Variants in TMEM117 observed in about 807,000 individuals in gnomAD.
The protein encoded by TMEM117 is transmembrane protein 117.
TMEM117 carries 27 observed loss-of-function variants against 52.4 expected under a neutral mutation model. The observed-to-expected ratio is 0.51, with a 90% confidence interval of 0.38 to 0.71. The LOEUF (loss-of-function observed/expected upper bound fraction) is 0.71. Among genes scored for constraint, TMEM117 ranks in the 30% least tolerant of loss-of-function variants. The pLI is 0.00. For missense variants in TMEM117, 556 were observed against 630.5 expected (o/e 0.88, Z 1.26); for synonymous variants, 215 against 206.3 (o/e 1.04, Z -0.36).
chr12:44,288,590 C>G (rs7308145), intron 5 of TMEM117, among the ~76,000 whole-genome samples: 2,859 of 152,118 alleles, frequency 0.019, 91 homozygotes, highest in African/African-American at 0.065. Flanking sequence ...TCAGGAATCT[C>G]TCACACAAAA....
intron 3 of TMEM117, among the ~76,000 whole-genome samples, chr12:44,106,719 T>A (rs1947961055): frequency 8.2e-6 from 1 of 121,648 alleles, no homozygotes. Context: ...ACAGAAAAAT[T>A]CTTCTATAGA....
chr12:44,101,332 A>G (rs879787570), intron 3 of TMEM117, among the ~76,000 whole-genome samples: 1 of 151,780 alleles, frequency 6.6e-6, no homozygotes, highest in Non-Finnish European at 1.5e-5. Context: ...TGGCAGTGCT[A>G]TTTGCCTTAA....
Position 44,388,054 on chromosome 12 carries a change from C to T in TMEM117, c.927C>T (p.Phe309=), listed in dbSNP as rs753197955. 7.4e-6 allele frequency: 12 copies of T among 1,611,508 alleles called. No individual in the cohort carries two copies. The East Asian group carries it at 8.9e-5, about 12-fold the overall frequency. The change falls in exon 8 of 8, where the codon TTC becomes TTT. Residue 309 remains phenylalanine (F), a synonymous_variant. Coordinates refer to ENST00000266534, the MANE Select transcript of TMEM117 (RefSeq NM_032256.3). ...TGKWFNYGII[F]LVLILDLNMW... ...AATGGTTTAACTATGGAATTATCTT[C>T]CTCGTCTTGATTTTGGATCTTAATA... is the stretch of plus-strand genomic sequence containing the variant.
chr12:43,937,123 A>G (rs1472520241), intron 2 of TMEM117, among the ~76,000 whole-genome samples: 2 of 152,172 alleles, frequency 1.3e-5, no homozygotes, highest in Non-Finnish European at 2.9e-5. Context: ...GAAGGAAGTT[A>G]GGATAGTCAT....
intron 6 of TMEM117, among the ~76,000 whole-genome samples, chr12:44,360,407 T>C (rs548235973): frequency 1.3e-5 from 2 of 151,994 alleles, no homozygotes; most frequent in South Asian, 4.2e-4. Flanking sequence ...AAGCCCCATC[T>C]CTGCTAAAAA....
At chr12:44,322,452 A>T (rs1296430181) in intron 6 of TMEM117, among the ~76,000 whole-genome samples, 2 of 152,100 alleles carry the variant, frequency 1.3e-5, no homozygotes, top group African/African-American at 4.8e-5. Context: ...AGGTTTCCTG[A>T]TTCCCTTATC....
At chr12:44,061,844 A>T (rs1013886326) in intron 3 of TMEM117, among the ~76,000 whole-genome samples, 4 of 152,110 alleles carry the variant, frequency 2.6e-5, no homozygotes, top group Admixed American at 6.5e-5. Context: ...TGAGAGACTA[A>T]AGGTTCAAAA....
intron 3 of TMEM117, among the ~76,000 whole-genome samples, chr12:43,953,347 C>A (rs1453936092): frequency 1.3e-5 from 2 of 152,076 alleles, no homozygotes; most frequent in African/African-American, 4.8e-5. Context: ...TTAAAAGACA[C>A]AGAATGGCAA....
intron 3 of TMEM117, among the ~76,000 whole-genome samples, chr12:44,031,228 C>T (rs1380232273): frequency 6.6e-6 from 1 of 152,078 alleles, no homozygotes; most frequent in Non-Finnish European, 1.5e-5. Context: ...TTATAGGAAA[C>T]TCCTATAATT....
At chr12:44,393,610 C>T (rs558844640), downstream of TMEM117, among the ~76,000 whole-genome samples, 2 of 146,212 alleles carry the variant, frequency 1.4e-5, no homozygotes, top group African/African-American at 5.2e-5. Context: ...CCATCACAAA[C>T]ATCTATAAAC....
chr12:44,014,609 CAA>C (rs1213197489), intron 3 of TMEM117, among the ~76,000 whole-genome samples: 3 of 152,124 alleles, frequency 2.0e-5, no homozygotes, highest in African/African-American at 7.2e-5. Flanking sequence ...TATGCATAAT[CAA>C]AAGATACGTT....
chr12:44,138,733 A>G (rs1404779866), intron 3 of TMEM117, among the ~76,000 whole-genome samples: 4 of 152,158 alleles, frequency 2.6e-5, no homozygotes, highest in Non-Finnish European at 4.4e-5. Flanking sequence ...GCCTCAAACC[A>G]TAGGTCTGGC....
chr12:44,223,454 G>A (rs1704862804), intron 5 of TMEM117, among the ~76,000 whole-genome samples: 1 of 146,558 alleles, frequency 6.8e-6, no homozygotes, highest in Non-Finnish European at 1.5e-5. Flanking sequence ...CTCCCTTCAT[G>A]GTGGCTTCTA....
At chr12:44,130,158 T>G (rs1351118428) in intron 3 of TMEM117, among the ~76,000 whole-genome samples, 2 of 152,240 alleles carry the variant, frequency 1.3e-5, no homozygotes, top group South Asian at 4.1e-4. Flanking sequence ...CTTTATATTT[T>G]TGGTAATTTT....
chr12:44,010,018 A>G lies in TMEM117; in HGVS notation c.410+65676A>G, dbSNP rs146017652. ...TGCCTGTGAGTGCCCTCAGGCCGAG[A>G]TACTCTATTTATGTGGTGTACTTCT... On this transcript the variant is annotated intron_variant, in intron 3 of 7. Transcript: ENST00000266534. The G allele has an allele frequency of 2.5e-3, 854 of 336,510 alleles. 7 individuals carry two copies. Among genetic ancestry groups the G allele is most frequent in the African/African-American group, 0.018 (799 of 45,154 alleles). The allele number at this position is 336,510 out of a possible 1,614,324, so 20.8% of individuals were successfully genotyped here.
chr12:43,933,111 C>G (rs1459496970), intron 2 of TMEM117, among the ~76,000 whole-genome samples: 2 of 152,062 alleles, frequency 1.3e-5, no homozygotes, highest in Non-Finnish European at 2.9e-5. Flanking sequence ...TAAAGGAAAA[C>G]CTATTTAAAA....
chr12:44,276,747 T>A (rs1950516237), intron 5 of TMEM117, among the ~76,000 whole-genome samples: 1 of 152,154 alleles, frequency 6.6e-6, no homozygotes, highest in Non-Finnish European at 1.5e-5. Context: ...TTATATACCA[T>A]AAAGATATAT....
the TMEM117 span, chr12:43,804,538 G>C: frequency 1.2e-6 from 2 of 1,602,966 alleles, no homozygotes; most frequent in Non-Finnish European, 1.7e-6. Flanking sequence ...TTCCATTTCT[G>C]GCTCTGGCAA....
At chr12:44,100,627 C>T (rs1366951092) in intron 3 of TMEM117, among the ~76,000 whole-genome samples, 1 of 152,044 alleles carries the variant, frequency 6.6e-6, no homozygotes, top group Admixed American at 6.6e-5. Flanking sequence ...CAAAGCAAAA[C>T]TCCTCTCTGC....
Sources: allele counts gnomAD v4.1 joint callset (sites outside exome capture counted in the v4.1 genomes callset), GRCh38; gene constraint gnomAD v4.1.1; transcripts MANE v1.5; gene names NCBI Gene and HGNC (gene_info 2026-07-23, HGNC 2026-07-21).